The following TRIO variants were observed in gnomAD, a reference collection of about 807,000 sequenced individuals.
The protein encoded by TRIO is trio Rho guanine nucleotide exchange factor.
A neutral mutation model predicts 351.9 loss-of-function variants in TRIO; 58 were observed. The observed-to-expected ratio is 0.16, with a 90% CI of 0.13 to 0.21. The LOEUF (loss-of-function observed/expected upper bound fraction) is 0.21. Ranked by LOEUF, TRIO falls within the 10% of genes least tolerant of loss-of-function variation. The pLI is 1.00. For missense variants in TRIO, 3,201 were observed against 4,027.8 expected, an observed-to-expected ratio of 0.79 and a Z score of 5.56; for synonymous variants, 1,758 against 1,595.7, an observed-to-expected ratio of 1.10 and a Z score of -2.42.
At chr5:14,153,061 C>A in intron 1 of TRIO, among the ~76,000 whole-genome samples, 1 of 152,198 alleles carries the variant, frequency 6.6e-6, no homozygotes, top group Non-Finnish European at 1.5e-5. Context: ...TAAGGTTCAG[C>A]CTGTTTGTAA....
intron 6 of TRIO, 33 bp downstream of exon 6, chr5:14,293,167 G>C (rs759526880): frequency 6.2e-7 from 1 of 1,613,452 alleles, no homozygotes; most frequent in African/African-American, 1.3e-5. Flanking sequence ...ACCCTGGCAT[G>C]TGACAGTGTT....
chr5:14,281,403 A>G (rs2697663), intron 3 of TRIO, among the ~76,000 whole-genome samples: 42,927 of 143,118 alleles, frequency 0.3, 8,803 homozygotes, highest in African/African-American at 0.58. Flanking sequence ...AGCACTAGGG[A>G]GATGGTGCTA....
intron 19 of TRIO, among the ~76,000 whole-genome samples, chr5:14,376,488 T>G (rs1745568309): frequency 6.6e-6 from 1 of 152,178 alleles, no homozygotes; most frequent in Admixed American, 6.5e-5. Flanking sequence ...CCCATCCCAC[T>G]TTTTAATTTG....
intron 48 of TRIO, among the ~76,000 whole-genome samples, chr5:14,489,648 C>G (rs995267382): frequency 8.5e-5 from 13 of 152,212 alleles, no homozygotes; most frequent in Non-Finnish European, 5.9e-5. Flanking sequence ...ATTTCAGAGT[C>G]TGTGTTTCAA....
At chr5:14,471,572 G>A (rs1257984745) in intron 38 of TRIO, 106 bp downstream of exon 38, 5 of 1,470,860 alleles carry the variant, frequency 3.4e-6, no homozygotes, top group Non-Finnish European at 4.6e-6. Context: ...GAGATGAGAA[G>A]CTCCAGGGCC....
At chr5:14,175,603 C>G (rs1236234161) in intron 1 of TRIO, among the ~76,000 whole-genome samples, 1 of 152,170 alleles carries the variant, frequency 6.6e-6, no homozygotes, top group Non-Finnish European at 1.5e-5. Context: ...TTGTGTTTCT[C>G]AATGTTAGAA....
At chr5:14,393,161 A>G (rs187666) in intron 27 of TRIO, among the ~76,000 whole-genome samples, 3 of 151,780 alleles carry the variant, frequency 2.0e-5, no homozygotes, top group Admixed American at 2.0e-4. Flanking sequence ...ACCAAACACC[A>G]CATGTTCTTA....
At chr5:14,471,493 T>C (rs374968033) in intron 38 of TRIO, 27 bp downstream of exon 38, 185 of 1,612,972 alleles carry the variant, frequency 1.1e-4, no homozygotes, top group Middle Eastern at 7.1e-4. Context: ...TTCATTCTTA[T>C]TGTTCTCTGG....
At chr5:14,421,655 C>G (rs1241947446) in intron 34 of TRIO, among the ~76,000 whole-genome samples, 1 of 151,160 alleles carries the variant, frequency 6.6e-6, no homozygotes, top group Non-Finnish European at 1.5e-5. Flanking sequence ...AGGAGCTGCG[C>G]AGCAACAGAC....
At chr5:14,363,949 G>C (rs1267906660) in intron 14 of TRIO, 22 bp downstream of exon 14, 1 of 1,590,636 alleles carries the variant, frequency 6.3e-7, no homozygotes, top group South Asian at 1.1e-5. Flanking sequence ...CACTCCATCT[G>C]TGTCCGTTGT....
chr5:14,504,729 T>A, intron 55 of TRIO, 136 bp downstream of exon 55: 3 of 1,098,714 alleles, frequency 2.7e-6, no homozygotes, highest in Non-Finnish European at 3.9e-6. Flanking sequence ...ATCTTCACTG[T>A]CAGAGCCCGC....
At chr5:14,454,318 C>T (rs1248014668) in intron 34 of TRIO, among the ~76,000 whole-genome samples, 3 of 152,198 alleles carry the variant, frequency 2.0e-5, no homozygotes, top group African/African-American at 7.2e-5. Flanking sequence ...TGTTCACGTA[C>T]ACTTAGTCTG....
At chr5:14,309,872 C>A (rs1738759272) in intron 8 of TRIO, among the ~76,000 whole-genome samples, 1 of 152,088 alleles carries the variant, frequency 6.6e-6, no homozygotes, top group South Asian at 2.1e-4. Context: ...CTCCTCCTCT[C>A]TTCATTTTCT....
At chr5:14,288,615 C>T (rs1392360567) in intron 4 of TRIO, among the ~76,000 whole-genome samples, 2 of 151,512 alleles carry the variant, frequency 1.3e-5, no homozygotes, top group African/African-American at 4.9e-5. Context: ...TGCAGTGAGC[C>T]GAGATTGTGC....
chr5:14,302,896 G>T (rs1011822858), intron 7 of TRIO, among the ~76,000 whole-genome samples: 1 of 152,354 alleles, frequency 6.6e-6, no homozygotes, highest in Non-Finnish European at 1.5e-5. Flanking sequence ...TGGGCCTTCC[G>T]CACTTGCCTT....
intron 31 of TRIO, among the ~76,000 whole-genome samples, chr5:14,403,080 G>T (rs1307854657): frequency 3.3e-5 from 5 of 150,328 alleles, no homozygotes; most frequent in African/African-American, 1.2e-4. Flanking sequence ...TTGTGGTGAG[G>T]GTACAGGTTG....
intron 11 of TRIO, among the ~76,000 whole-genome samples, chr5:14,340,827 A>G (rs1741878466): frequency 6.6e-6 from 1 of 152,154 alleles, no homozygotes; most frequent in African/African-American, 2.4e-5. Flanking sequence ...CTGAGAAGAG[A>G]GAAAAGGGGA....
rs192591210 is a variant in TRIO at position 14,491,367 on chromosome 5, C to A, written c.7633-1200C>A. 1.5e-4 allele frequency among the ~76,000 whole-genome samples: 23 copies of A among 152,344 alleles called. 1 individual carries two copies. The highest frequency in any genetic ancestry group is 2.8e-4 in the Non-Finnish European group (19 of 68,026). ...TCGGAGAGCCCAGCAGAAGCTAGCA[C>A]CTTTGGAGCCTTGGGAACCCATGAA... On this transcript the variant is annotated intron_variant, in intron 48 of 56. Transcript: ENST00000344204.
rs1314620083 is a variant in TRIO, at chr5:14,251,596, G to T, written c.158-19229G>T. ...GAGGCTGGGCAGCCTCTTTGAAAAG[G>T]CCCCTCTTTCTCCCTCTGGACAGCA... On this transcript the variant is annotated intron_variant, in intron 1 of 56. Transcript: ENST00000344204. 3.3e-5 allele frequency among the ~76,000 whole-genome samples: 5 copies of T among 152,312 alleles called. No homozygotes were observed. The East Asian group carries it at 5.8e-4, about 18-fold the overall frequency.
Sources: allele counts gnomAD v4.1 joint callset (sites outside exome capture counted in the v4.1 genomes callset), GRCh38; gene constraint gnomAD v4.1.1; transcripts MANE v1.5; gene names NCBI Gene and HGNC (gene_info 2026-07-23, HGNC 2026-07-21).